Variants in LMO4 observed in about 807,000 individuals in gnomAD.
LMO4 encodes LIM domain transcription factor LMO4.
LMO4 carries 3 observed loss-of-function variants against 18.5 expected under a neutral mutation model. The ratio of observed to expected loss-of-function variants is 0.16; its 90% CI spans 0.07 to 0.42. The LOEUF (loss-of-function observed/expected upper bound fraction) is 0.42, where lower values mean the gene tolerates loss of function less well. LMO4 is among the 10% of genes least tolerant of loss of function. The probability of loss-of-function intolerance (pLI) is 0.99; values close to 1 mark genes in which losing one functional copy is unlikely to be tolerated. For missense variants in LMO4, 121 were observed against 219.9 expected (o/e 0.55, Z 2.84); for synonymous variants, 100 against 88.1 (o/e 1.14, Z -0.76).
rs1483371379 is a variant in LMO4 at position 87,331,942 on chromosome 1, C to G, written c.-3-71C>G. ...GGAGGGGAATGGGCTTGCTCTCTCT[C>G]CGGCGATTACTAACTTTTGCATCGC... On this transcript the variant is annotated intron_variant, in intron 1 of 4. Coordinates refer to ENST00000370544, the MANE Select transcript of LMO4 (RefSeq NM_006769.4). 4 of 1,263,202 alleles carry G rather than the reference C, an allele frequency of 3.2e-6. No homozygotes were observed. In the Admixed American group the frequency reaches 5.2e-5, roughly 17 times the overall value. 78.2% of individuals were successfully genotyped at this position (1,263,202 alleles called of 1,614,324 possible).
chr1:87,334,504 T>C (rs1286531689), intron 2 of LMO4, among the ~76,000 whole-genome samples: 1 of 152,182 alleles, frequency 6.6e-6, no homozygotes, highest in Non-Finnish European at 1.5e-5. Flanking sequence ...TGGAGGAGCT[T>C]TCAATGCCGC....
rs766852881 is a variant in LMO4, at chr1:87,340,070, G to T, written c.357G>T (p.Arg119=). The part of the protein sequence containing the change: ...HLKCFTCSTC[R]NRLVPGDRFH... ...AGTGTTTTACATGCTCTACCTGCCG[G>T]AATCGCCTGGTCCCGGGAGATCGGT... Residue 119 remains arginine (R), a synonymous_variant, in exon 4 of 5, where the codon CGG becomes CGT. Transcript: ENST00000370544. 9.3e-6 allele frequency: 15 copies of T among 1,613,932 alleles called. No homozygotes were observed. In the East Asian group the frequency reaches 3.3e-4, roughly 36 times the overall value.
chr1:87,331,096 A>T (rs975513506), intron 1 of LMO4: 1 of 100,156 alleles, frequency 1.0e-5, no homozygotes, highest in African/African-American at 4.0e-5. Flanking sequence ...TGGAGGAACA[A>T]AGCTTTAGCA....
rs1650617019 is a variant in LMO4, at chr1:87,346,034, G to C, written c.*1238G>C. The C allele has an allele frequency of 6.6e-6, 1 of 152,170 alleles. No individual in the cohort carries two copies. Among genetic ancestry groups the C allele is most frequent in the Non-Finnish European group, 1.5e-5 (1 of 68,046 alleles). The allele number at this position is 152,170 out of a possible 1,614,324, so 9.4% of individuals were successfully genotyped here. On this transcript the variant is annotated 3_prime_UTR_variant, in exon 5 of 5. Transcript: ENST00000370544. ...AAGTCACAATTTCTAAGTCATACCT[G>C]TACATATTTTGAAGCTCACTTAGTT...
chr1:87,343,427 A>T lies in LMO4; in HGVS notation c.490-1361A>T, dbSNP rs575107281. Among the ~76,000 whole-genome samples, 3 of 152,286 alleles carry T rather than the reference A, an allele frequency of 2.0e-5. No homozygotes were observed. In the East Asian group the frequency reaches 5.8e-4, roughly 29 times the overall value. On this transcript the variant is annotated intron_variant, in intron 4 of 4. Transcript: ENST00000370544. ...GGAGAATGCTGCCTTCTAGAGGGTT[A>T]TGTAAATCAGGAATTGTGGCTAATT... is the stretch of plus-strand genomic sequence containing the variant.
At chr1:87,337,276 G>GA (rs1650343642) in intron 2 of LMO4, among the ~76,000 whole-genome samples, 1 of 152,008 alleles carries the variant, frequency 6.6e-6, no homozygotes, top group Non-Finnish European at 1.5e-5. Context: ...AGCAGCCCTG[G>GA]AAAAAAATAA....
intron 1 of LMO4, among the ~76,000 whole-genome samples, chr1:87,329,451 T>C (rs1650065212): frequency 6.6e-6 from 1 of 152,178 alleles, no homozygotes; most frequent in South Asian, 2.1e-4. Flanking sequence ...GGCCGCCAGC[T>C]TTGTAGCGGT....
intron 2 of LMO4, among the ~76,000 whole-genome samples, chr1:87,336,418 A>G (rs1439280564): frequency 6.6e-6 from 1 of 152,226 alleles, no homozygotes; most frequent in Non-Finnish European, 1.5e-5. Context: ...TGAAGTAATA[A>G]TGCAGTTGAA....
In LMO4 at chr1:87,346,286, AC is replaced by A. The variant is rs1650624590; in HGVS notation, c.*1491del. On this transcript the variant is annotated 3_prime_UTR_variant, in exon 5 of 5. Transcript: ENST00000370544. ...GGTTGCAGGCAGCAGAGTGTCCACCACAGTGCCTGCACTGCCCGCAGAGCTG... is the reference window on the plus strand; with the variant it reads ...GGTTGCAGGCAGCAGAGTGTCCACCAAGTGCCTGCACTGCCCGCAGAGCTG... 6.6e-6 allele frequency: 1 copy of A among 152,220 alleles called. No homozygotes were observed. The highest frequency in any genetic ancestry group is 1.5e-5 in the Non-Finnish European group (1 of 68,060). The allele number at this position is 152,220 out of a possible 1,614,324, so 9.4% of individuals were successfully genotyped here. A position where few individuals can be genotyped will look rare whatever the true frequency, so the allele number is the denominator to read the frequency against.
chr1:87,339,001 C>T (rs1214340740), intron 2 of LMO4, among the ~76,000 whole-genome samples: 2 of 152,200 alleles, frequency 1.3e-5, no homozygotes, highest in African/African-American at 2.4e-5. Context: ...TTAACCCATA[C>T]ACATTATATA....
chr1:87,333,142 G>A (rs1176599545), intron 2 of LMO4, among the ~76,000 whole-genome samples: 3 of 152,146 alleles, frequency 2.0e-5, no homozygotes, highest in African/African-American at 7.2e-5. Context: ...AATTCAGGAG[G>A]TCAGGTGCCT....
At chr1:87,340,565 A>G (rs1650447620) in intron 4 of LMO4, among the ~76,000 whole-genome samples, 1 of 150,654 alleles carries the variant, frequency 6.6e-6, no homozygotes, top group East Asian at 1.9e-4. Context: ...GAAAAATTAG[A>G]ACATTTATGG....
chr1:87,339,648 CTCTT>C lies in LMO4; in HGVS notation c.333+18_333+21del. 2.0e-6 allele frequency: 3 copies of C among 1,532,078 alleles called. No homozygotes were observed. In the Middle Eastern group the frequency reaches 5.4e-4, roughly 274 times the overall value. The allele number at this position is 1,532,078 out of a possible 1,614,324, so 94.9% of individuals were successfully genotyped here. On this transcript the variant is annotated intron_variant, in intron 3 of 4. Transcript: ENST00000370544. ...TCATCTTAAGGTAGTATTTGCATCTCTCTTTTTTTTTTAAAAAAAAAATCATACC... is the reference window on the plus strand; with the variant it reads ...TCATCTTAAGGTAGTATTTGCATCTCTTTTTTTTAAAAAAAAAATCATACC...
In LMO4 at chr1:87,336,966, C is replaced by T. The variant is rs575154777; in HGVS notation, c.237-2570C>T. ...TAATTAACTCTCCAGCGCACAGAAA[C>T]GTTGTGAAAAAACACACACACACAC... On this transcript the variant is annotated intron_variant, in intron 2 of 4. Transcript: ENST00000370544. 4.7e-5 allele frequency among the ~76,000 whole-genome samples: 7 copies of T among 149,082 alleles called. No homozygotes were observed. The East Asian group carries it at 1.4e-3, about 30-fold the overall frequency.
intron 1 of LMO4, among the ~76,000 whole-genome samples, chr1:87,330,587 G>A (rs1307587418): frequency 6.6e-6 from 1 of 152,148 alleles, no homozygotes; most frequent in Admixed American, 6.5e-5. Context: ...GAGGAAATGT[G>A]TTTAAAATCG....
At chr1:87,343,114 C>T (rs1650540111) in intron 4 of LMO4, among the ~76,000 whole-genome samples, 1 of 152,194 alleles carries the variant, frequency 6.6e-6, no homozygotes, top group African/African-American at 2.4e-5. Context: ...ATTATTCGAA[C>T]ATCCCTTCTT....
At chr1:87,340,267 T>G in intron 4 of LMO4, 65 bp downstream of exon 4, 3 of 1,493,240 alleles carry the variant, frequency 2.0e-6, no homozygotes, top group Non-Finnish European at 1.8e-6. Flanking sequence ...CCTCTTAACC[T>G]AGCAAGAGAG....
At chr1:87,329,631 C>G (rs777507524) in intron 1 of LMO4, among the ~76,000 whole-genome samples, 3 of 152,082 alleles carry the variant, frequency 2.0e-5, no homozygotes, top group Non-Finnish European at 2.9e-5. Context: ...CGATACCCCC[C>G]CTCCCTTCTA....
At chr1:87,334,025 C>T (rs1365900527) in intron 2 of LMO4, among the ~76,000 whole-genome samples, 1 of 152,092 alleles carries the variant, frequency 6.6e-6, no homozygotes, top group African/African-American at 2.4e-5. Flanking sequence ...CTTGTATTCC[C>T]CCAGGACAAG....
Sources: allele counts gnomAD v4.1 joint callset (sites outside exome capture counted in the v4.1 genomes callset), GRCh38; gene constraint gnomAD v4.1.1; transcripts MANE v1.5; gene names NCBI Gene and HGNC (gene_info 2026-07-23, HGNC 2026-07-21).